Variants in DACH2 observed in about 807,000 individuals in gnomAD.
DACH2 encodes the protein dachshund homolog 2.
Under a neutral mutation model 35.8 loss-of-function variants are expected in DACH2, and 17 were observed. The ratio of observed to expected loss-of-function variants is 0.48; its 90% CI spans 0.33 to 0.71. The LOEUF (loss-of-function observed/expected upper bound fraction) is 0.71, where lower values mean the gene tolerates loss of function less well. DACH2 is among the 30% of genes least tolerant of loss of function. The probability of loss-of-function intolerance (pLI) is 0.02; values close to 1 mark genes in which losing one functional copy is unlikely to be tolerated. For missense variants in DACH2, 469 were observed against 472.7 expected, an observed-to-expected ratio of 0.99 and a Z score of 0.07; for synonymous variants, 195 against 177.3, an observed-to-expected ratio of 1.10 and a Z score of -0.79.
chrX:86,225,084 CAATT>C (rs1341927014), intron 1 of DACH2, among the ~76,000 whole-genome samples: 1 of 111,580 alleles, frequency 9.0e-6, no homozygotes, highest in African/African-American at 3.2e-5. Flanking sequence ...TGCATGTACT[CAATT>C]AAAAATTGAT....
chrX:86,436,340 T>A (rs1480718161), intron 2 of DACH2, among the ~76,000 whole-genome samples: 2 of 102,136 alleles, frequency 2.0e-5, no homozygotes, highest in Non-Finnish European at 3.9e-5. Context: ...CAGGCACATT[T>A]TTTTCTACCT....
chrX:86,714,492 C>T (rs1437006587), intron 5 of DACH2, 56 bp from the exon 6 acceptor site: 2 of 1,015,222 alleles, frequency 2.0e-6, no homozygotes, highest in Non-Finnish European at 2.6e-6. Context: ...TACTTTTTAA[C>T]AAACTATTTC....
chrX:86,338,164 C>A (rs186602599), intron 1 of DACH2, among the ~76,000 whole-genome samples: 96 of 111,292 alleles, frequency 8.6e-4, no homozygotes, highest in African/African-American at 3.1e-3. Context: ...CAACAAGACA[C>A]AAAATTAGTA....
chrX:86,300,353 T>C (rs1025870592), intron 1 of DACH2, among the ~76,000 whole-genome samples: 1 of 112,219 alleles, frequency 8.9e-6, no homozygotes, highest in South Asian at 3.7e-4. Context: ...TTGTATTACT[T>C]TTATTTTAAT....
rs182281947 is a variant in DACH2 at position 86,589,314 on chromosome X, C to T, written c.641-61722C>T. The stretch of plus-strand genomic sequence containing the variant: ...TGCTCTGATTTTAGTTATTTCTTTT[C>T]TTCTGCTATATTTAGAGTTAGTTTT... On this transcript the variant is annotated intron_variant, in intron 3 of 11. Coordinates refer to ENST00000373125, the MANE Select transcript of DACH2 (RefSeq NM_053281.3). 2.0e-3 allele frequency among the ~76,000 whole-genome samples: 218 copies of T among 110,370 alleles called. 1 individual carries two copies. The highest frequency in any genetic ancestry group is 6.8e-3 in the African/African-American group (206 of 30,290).
intron 1 of DACH2, among the ~76,000 whole-genome samples, chrX:86,322,034 A>T (rs754650717): frequency 1.8e-5 from 2 of 110,490 alleles, no homozygotes; most frequent in Non-Finnish European, 3.8e-5. Context: ...AACTGGAAGC[A>T]CTGGGGCACT....
At chrX:86,627,856 A>T (rs750193329) in intron 3 of DACH2, among the ~76,000 whole-genome samples, 2 of 112,526 alleles carry the variant, frequency 1.8e-5, no homozygotes, top group African/African-American at 6.5e-5. Flanking sequence ...ATGATAAAGA[A>T]TGAAACCATC....
intron 4 of DACH2, among the ~76,000 whole-genome samples, chrX:86,662,781 C>T (rs1234782615): frequency 9.0e-6 from 1 of 111,374 alleles, no homozygotes; most frequent in Non-Finnish European, 1.9e-5. Flanking sequence ...ATTTTTTTCT[C>T]TTCTCTTCTG....
intron 2 of DACH2, among the ~76,000 whole-genome samples, chrX:86,399,372 C>G (rs950341391): frequency 1.8e-5 from 2 of 111,519 alleles, no homozygotes; most frequent in Admixed American, 9.5e-5. Flanking sequence ...GAGCATTTAG[C>G]CCATTTACAT....
chrX:86,281,086 G>T (rs1419821749), intron 1 of DACH2, among the ~76,000 whole-genome samples: 1 of 110,928 alleles, frequency 9.0e-6, no homozygotes, highest in Non-Finnish European at 1.9e-5. Flanking sequence ...ACTCAGCTCT[G>T]GACCAAGAAA....
chrX:86,587,163 C>A (rs1569447303), intron 3 of DACH2, among the ~76,000 whole-genome samples: 1 of 111,524 alleles, frequency 9.0e-6, no homozygotes, highest in African/African-American at 3.3e-5. Flanking sequence ...GCATTTTATT[C>A]TTTTCATGTC....
chrX:86,713,648 G>A (rs765633015), intron 5 of DACH2, among the ~76,000 whole-genome samples: 14 of 111,247 alleles, frequency 1.3e-4, no homozygotes, highest in African/African-American at 4.6e-4. Context: ...TAAGTGCTAC[G>A]GTTTGCTCAC....
intron 1 of DACH2, among the ~76,000 whole-genome samples, chrX:86,197,763 A>G (rs2032032892): frequency 8.9e-6 from 1 of 111,846 alleles, no homozygotes; most frequent in African/African-American, 3.3e-5. Context: ...ACCCAGATTC[A>G]TAAAGCAAGT....
intron 3 of DACH2, among the ~76,000 whole-genome samples, chrX:86,592,491 G>T (rs1401585190): frequency 8.9e-6 from 1 of 111,733 alleles, no homozygotes; most frequent in Non-Finnish European, 1.9e-5. Context: ...TTTCAGTATT[G>T]TGGTGGCCAT....
At chrX:86,547,467 T>G (rs2148307278) in intron 3 of DACH2, among the ~76,000 whole-genome samples, 1 of 86,880 alleles carries the variant, frequency 1.2e-5, no homozygotes, top group Admixed American at 1.2e-4. Flanking sequence ...TATCTTGCAT[T>G]ATGTTAGTAT....
At chrX:86,540,939 A>G (rs1409858407) in intron 3 of DACH2, among the ~76,000 whole-genome samples, 1 of 112,000 alleles carries the variant, frequency 8.9e-6, no homozygotes, top group African/African-American at 3.2e-5. Context: ...CAAAGTTTCC[A>G]TCTAATAATG....
At chrX:86,224,740 A>G (rs148063908) in intron 1 of DACH2, among the ~76,000 whole-genome samples, 363 of 111,751 alleles carry the variant, frequency 3.2e-3, no homozygotes, top group Middle Eastern at 9.2e-3. Flanking sequence ...TGATGATTTA[A>G]TATGAAATCA....
At chrX:86,324,854 C>T (rs1479047644) in intron 1 of DACH2, among the ~76,000 whole-genome samples, 1 of 110,248 alleles carries the variant, frequency 9.1e-6, no homozygotes, top group African/African-American at 3.3e-5. Flanking sequence ...GTCACAGCCA[C>T]TCAAGCCTTC....
At chrX:86,268,670 G>A (rs2033758057) in intron 1 of DACH2, among the ~76,000 whole-genome samples, 1 of 109,205 alleles carries the variant, frequency 9.2e-6, no homozygotes, top group Admixed American at 1.0e-4. Flanking sequence ...GAGTAGCTGG[G>A]ATTACAGGAG....
Sources: allele counts gnomAD v4.1 joint callset (sites outside exome capture counted in the v4.1 genomes callset), GRCh38; gene constraint gnomAD v4.1.1; transcripts MANE v1.5; gene names NCBI Gene and HGNC (gene_info 2026-07-23, HGNC 2026-07-21).